The following DYNC2I1 variants were observed in gnomAD, a reference collection of about 807,000 sequenced individuals.
DYNC2I1 encodes dynein 2 intermediate chain 1, also known as cytoplasmic dynein 2 intermediate chain 1.
DYNC2I1 carries 89 observed loss-of-function variants against 133.4 expected under a neutral mutation model. The observed-to-expected ratio is 0.67, with a 90% CI of 0.56 to 0.80. DYNC2I1 has a LOEUF of 0.80. Ranked by LOEUF, DYNC2I1 falls within the 30% of genes least tolerant of loss-of-function variation. DYNC2I1 has a pLI of 0.00. For synonymous variants in DYNC2I1, 504 were observed against 484.3 expected (o/e 1.04, Z -0.54); for missense variants, 1,291 against 1,314.5 (o/e 0.98, Z 0.28).
At chr7:158,938,873 T>C (rs1851045522) in intron 23 of DYNC2I1, among the ~76,000 whole-genome samples, 1 of 152,148 alleles carries the variant, frequency 6.6e-6, no homozygotes, top group Admixed American at 6.5e-5. Context: ...TGTAATTAAA[T>C]ACATGGACAA....
chr7:158,884,025 C>A (rs1289427803), intron 5 of DYNC2I1, among the ~76,000 whole-genome samples: 3 of 149,544 alleles, frequency 2.0e-5, no homozygotes, highest in Non-Finnish European at 3.0e-5. Context: ...ATCTGCCACA[C>A]CTTTATCCTT....
chr7:158,902,622 G>T (rs185708745), intron 10 of DYNC2I1, 27 bp downstream of exon 10: 1 of 1,603,896 alleles, frequency 6.2e-7, no homozygotes, highest in South Asian at 1.1e-5. Flanking sequence ...TACTAATGGT[G>T]TCCGTGCTCT....
chr7:158,856,820 C>T, intron 1 of DYNC2I1, 70 bp downstream of exon 1: 1 of 1,221,132 alleles, frequency 8.2e-7, no homozygotes, highest in Non-Finnish European at 1.0e-6. Context: ...CCGCTAGCAG[C>T]GCCGCCGCCG....
At position 158,871,222 on chromosome 7, in the gene DYNC2I1, T is replaced by C; in HGVS notation, c.150T>C (p.Pro50=). The change falls in exon 3 of 25, where the codon CCT becomes CCC. Residue 50 remains proline, a synonymous_variant. Coordinates refer to ENST00000407559, the MANE Select transcript of DYNC2I1 (RefSeq NM_018051.5). The part of the protein sequence containing the change: ...KLRKESEMDL[P]EHKEPRCRDP... ...GTAAGGAGTCTGAGATGGACCTTCCTGAACATAAGGAGCCGAGGTGCAGGG... is the reference window on the plus strand; with the variant it reads ...GTAAGGAGTCTGAGATGGACCTTCCCGAACATAAGGAGCCGAGGTGCAGGG... The C allele has an allele frequency of 1.2e-6, 2 of 1,613,496 alleles. No individual in the cohort carries two copies. Among genetic ancestry groups the C allele is most frequent in the Non-Finnish European group, 8.5e-7 (1 of 1,179,684 alleles).
chr7:158,889,407 T>A (rs1844962990), intron 7 of DYNC2I1, among the ~76,000 whole-genome samples: 1 of 152,138 alleles, frequency 6.6e-6, no homozygotes, highest in Non-Finnish European at 1.5e-5. Context: ...TAGTTCATAG[T>A]GGAAATCCCT....
chr7:158,879,922 G>A lies in DYNC2I1; in HGVS notation c.812G>A (p.Arg271Lys). The change falls in exon 5 of 25, where the codon AGG becomes AAG. Residue 271 changes from arginine to lysine, a missense_variant. Coordinates refer to ENST00000407559, the MANE Select transcript of DYNC2I1 (RefSeq NM_018051.5). ...GAAGGTTTTCATTTTGATGATGAGA[G>A]GCACCAAAGCAACGTGGATAGAAAA... Reference protein sequence around the residue: ...HKEGFHFDDERHQSNVDRKEK... With the variant: ...HKEGFHFDDEKHQSNVDRKEK... 2 of 1,612,226 alleles carry A rather than the reference G, an allele frequency of 1.2e-6. No homozygotes were observed. The highest frequency in any genetic ancestry group is 1.7e-6 in the Non-Finnish European group (2 of 1,179,464).
At chr7:158,918,075 T>C (rs56241584) in intron 14 of DYNC2I1, among the ~76,000 whole-genome samples, 4,190 of 152,202 alleles carry the variant, frequency 0.028, 83 homozygotes, top group Admixed American at 0.038. Flanking sequence ...CCATATTCTG[T>C]CACTTCTCAC....
chr7:158,956,179 C>T (rs184675233), intron 4 of DYNC2I1, among the ~76,000 whole-genome samples: 1 of 152,360 alleles, frequency 6.6e-6, no homozygotes, highest in East Asian at 1.9e-4. Context: ...GACACAGCCA[C>T]GTGCCCTTGT....
In DYNC2I1 at chr7:158,871,457, G is replaced by T; in HGVS notation, c.385G>T (p.Ala129Ser). 6.5e-6 allele frequency: 10 copies of T among 1,550,266 alleles called. No individual in the cohort carries two copies. The highest frequency in any genetic ancestry group is 8.7e-6 in the Non-Finnish European group (10 of 1,146,944). Reference protein sequence around the residue: ...KDREKEKDRRARKEELRQTVA... With the variant: ...KDREKEKDRRSRKEELRQTVA... ...CAGGGAAAAAGAAAAAGACAGAAGGGCCCGGAAGGAAGAGCTCCGGCAGAC... is the reference window on the plus strand; with the variant it reads ...CAGGGAAAAAGAAAAAGACAGAAGGTCCCGGAAGGAAGAGCTCCGGCAGAC... Residue 129 changes from alanine (A) to serine (S), a missense_variant, in exon 3 of 25, where the codon GCC becomes TCC. Transcript: ENST00000407559.
At chr7:158,852,657 T>C (rs1438529547), upstream of DYNC2I1, among the ~76,000 whole-genome samples, 3 of 152,094 alleles carry the variant, frequency 2.0e-5, no homozygotes, top group Admixed American at 1.3e-4. Flanking sequence ...GAGAATTGCT[T>C]GAACCCTGGA....
In DYNC2I1 at chr7:158,889,036, T is replaced by TACACACAC. The variant is rs71200077; in HGVS notation, c.990+1984_990+1991dup. ...AGTTTGGAAGCCAGTTTTAAACATT[T>TACACACAC]ACACACACACACACACACACACACA... On this transcript the variant is annotated intron_variant, in intron 7 of 24. Transcript: ENST00000407559. Among the ~76,000 whole-genome samples the TACACACAC allele has an allele frequency of 2.9e-3, 403 of 141,298 alleles. 3 individuals are homozygous for TACACACAC. Among genetic ancestry groups the TACACACAC allele is most frequent in the South Asian group, 8.9e-3 (41 of 4,582 alleles). 92.7% of individuals were successfully genotyped at this position (141,298 alleles called of 152,430 possible).
chr7:158,917,544 T>C (rs1177919917), intron 14 of DYNC2I1, among the ~76,000 whole-genome samples: 1 of 125,752 alleles, frequency 8.0e-6, no homozygotes, highest in Non-Finnish European at 1.7e-5. Flanking sequence ...CCTCCTGTCC[T>C]CCACACTCCA....
rs1331911883 is a variant in DYNC2I1, at chr7:158,934,199, C to T, written c.2617C>T (p.Pro873Ser). ...TLNVKFLPSD[P>S]NHFIIGTDMG... The stretch of plus-strand genomic sequence containing the variant: ...GAATGTTAAATTTCTGCCTTCAGAT[C>T]CTAATCACTTTATTATTGGCACAGA... The change falls in exon 22 of 25, where the codon CCT (proline) becomes TCT (serine). Residue 873 changes from proline (P) to serine (S), a missense_variant. By Grantham distance (74) the Pro-to-Ser change is moderately conservative. Transcript: ENST00000407559. 6.2e-7 allele frequency: 1 copy of T among 1,612,540 alleles called. No individual in the cohort carries two copies. Among genetic ancestry groups the T allele is most frequent in the Admixed American group, 1.7e-5 (1 of 59,674 alleles).
intron 20 of DYNC2I1, 67 bp from the exon 21 acceptor site, chr7:158,930,388 A>G (rs1850099779): frequency 1.5e-6 from 2 of 1,353,180 alleles, no homozygotes; most frequent in South Asian, 2.5e-5. Flanking sequence ...GATTCCAGGC[A>G]ACTATAACTA....
At chr7:158,897,622 C>A (rs1257893348) in intron 8 of DYNC2I1, among the ~76,000 whole-genome samples, 1 of 152,058 alleles carries the variant, frequency 6.6e-6, no homozygotes, top group Admixed American at 6.5e-5. Flanking sequence ...TAATTTGGAT[C>A]CACTTTCTTT....
At chr7:158,850,839 G>A in the DYNC2I1 span, among the ~76,000 whole-genome samples, 4 of 152,106 alleles carry the variant, frequency 2.6e-5, no homozygotes, top group Non-Finnish European at 5.9e-5. Context: ...CTTGTTGCCT[G>A]GGGCAGCAAG....
At chr7:158,846,022 G>A in the DYNC2I1 span, among the ~76,000 whole-genome samples, 1 of 152,218 alleles carries the variant, frequency 6.6e-6, no homozygotes, top group South Asian at 2.1e-4. Flanking sequence ...CACTCTGGGA[G>A]GCCACGGCAG....
chr7:158,941,386 G>A (rs2527196), intron 23 of DYNC2I1, among the ~76,000 whole-genome samples: 73,488 of 152,016 alleles, frequency 0.48, 18,357 homozygotes, highest in Admixed American at 0.54. Flanking sequence ...TTATATATAC[G>A]CTGAATCTGT....
At chr7:158,894,132 A>ATACCGCATATCCTACCGCGTATCC (rs139043710) in intron 8 of DYNC2I1, among the ~76,000 whole-genome samples, 2 of 150,954 alleles carry the variant, frequency 1.3e-5, no homozygotes, top group African/African-American at 4.9e-5. Context: ...ACCGCATATC[A>ATACCGCATATCCTACCGCGTATCC]TACCGCATAT....
Sources: allele counts gnomAD v4.1 joint callset (sites outside exome capture counted in the v4.1 genomes callset), GRCh38; gene constraint gnomAD v4.1.1; transcripts MANE v1.5; gene names NCBI Gene and HGNC (gene_info 2026-07-23, HGNC 2026-07-21).